The following GRIN2A variants were observed in gnomAD, a reference collection of about 807,000 sequenced individuals.
GRIN2A encodes glutamate receptor ionotropic, NMDA 2A.
A neutral mutation model predicts 113.4 loss-of-function variants in GRIN2A; 22 were observed. The ratio of observed to expected loss-of-function variants is 0.19; its 90% CI spans 0.14 to 0.28. The LOEUF is 0.28. Among genes scored for constraint, GRIN2A ranks in the 10% least tolerant of loss-of-function variants. GRIN2A has a pLI of 1.00. For synonymous variants in GRIN2A, 827 were observed against 738.4 expected (o/e 1.12, Z -1.94); for missense variants, 1,502 against 1,887.0 (o/e 0.80, Z 3.78).
At chr16:10,156,652 G>T (rs1334621187) in intron 2 of GRIN2A, among the ~76,000 whole-genome samples, 2 of 152,188 alleles carry the variant, frequency 1.3e-5, no homozygotes, top group African/African-American at 4.8e-5. Context: ...GGAGGCAGAA[G>T]GCGATTGCTT....
Position 9,891,239 on chromosome 16 carries a change from A to T in GRIN2A, c.1008-139T>A, listed in dbSNP as rs1162494093. 4.4e-6 allele frequency: 3 copies of T among 687,444 alleles called. No homozygotes were observed. The African/African-American group carries it at 5.3e-5, about 12-fold the overall frequency. The allele number at this position is 687,444 out of a possible 1,614,324, so 42.6% of individuals were successfully genotyped here. On this transcript the variant is annotated intron_variant, in intron 3 of 12. Transcript: ENST00000330684. ...TATTCATCACAAGAAGCCTCTCTGC[A>T]GAAGTATTAATAACCATGCAACCAT...
At chr16:10,167,709 T>C (rs1400038884) in intron 2 of GRIN2A, among the ~76,000 whole-genome samples, 1 of 152,224 alleles carries the variant, frequency 6.6e-6, no homozygotes, top group African/African-American at 2.4e-5. Flanking sequence ...TTTCGCTCTG[T>C]ACATCAACAT....
At chr16:9,786,839 T>G (rs2141197302) in intron 11 of GRIN2A, among the ~76,000 whole-genome samples, 1 of 152,284 alleles carries the variant, frequency 6.6e-6, no homozygotes, top group African/African-American at 2.4e-5. Flanking sequence ...TCCATGCCAT[T>G]TAGTCATTGT....
chr16:9,905,516 C>A (rs75831583), intron 3 of GRIN2A, among the ~76,000 whole-genome samples: 1 of 152,130 alleles, frequency 6.6e-6, no homozygotes, highest in Admixed American at 6.5e-5. Flanking sequence ...GAAATAAAAC[C>A]GATCTACTGG....
intron 3 of GRIN2A, among the ~76,000 whole-genome samples, chr16:9,909,722 T>C (rs1596571998): frequency 6.6e-6 from 1 of 152,222 alleles, no homozygotes; most frequent in South Asian, 2.1e-4. Flanking sequence ...AGATGGCACA[T>C]GGGCAAACTT....
chr16:9,909,697 T>TACACAGATGCATTTAGATGGC (rs2044096417), intron 3 of GRIN2A, among the ~76,000 whole-genome samples: 1 of 152,220 alleles, frequency 6.6e-6, no homozygotes, highest in Non-Finnish European at 1.5e-5. Flanking sequence ...TTTGAGATGG[T>TACACAGATGCATTTAGATGGC]ACACAGATGC....
At chr16:9,879,779 A>C (rs2043441206) in intron 4 of GRIN2A, among the ~76,000 whole-genome samples, 1 of 152,202 alleles carries the variant, frequency 6.6e-6, no homozygotes, top group South Asian at 2.1e-4. Context: ...TATCTGTATT[A>C]CAGTCCTGAT....
At chr16:9,803,105 T>A (rs1425782420) in intron 10 of GRIN2A, among the ~76,000 whole-genome samples, 1 of 152,294 alleles carries the variant, frequency 6.6e-6, no homozygotes, top group Non-Finnish European at 1.5e-5. Context: ...GTTTTCCCTA[T>A]GAAAAATGGA....
chr16:10,163,138 G>A (rs1191443671), intron 2 of GRIN2A, among the ~76,000 whole-genome samples: 1 of 152,260 alleles, frequency 6.6e-6, no homozygotes, highest in Non-Finnish European at 1.5e-5. Context: ...AATTGTTTGG[G>A]AATCTCTTGC....
At chr16:9,980,004 A>C (rs952657879) in intron 2 of GRIN2A, among the ~76,000 whole-genome samples, 17 of 151,910 alleles carry the variant, frequency 1.1e-4, no homozygotes, top group Admixed American at 3.3e-4. Flanking sequence ...TCAGTCCTGT[A>C]ATTCCAGCAT....
intron 2 of GRIN2A, among the ~76,000 whole-genome samples, chr16:10,091,341 G>T (rs1021377618): frequency 3.3e-5 from 5 of 152,084 alleles, no homozygotes; most frequent in Non-Finnish European, 7.4e-5. Context: ...GGGCGCAGTG[G>T]ATCACATCTA....
intron 2 of GRIN2A, among the ~76,000 whole-genome samples, chr16:10,086,208 A>G (rs897262077): frequency 9.2e-5 from 14 of 152,196 alleles, no homozygotes; most frequent in African/African-American, 3.4e-4. Flanking sequence ...GCACCTATGC[A>G]GCAAAGTGCA....
intron 4 of GRIN2A, among the ~76,000 whole-genome samples, chr16:9,884,023 A>T (rs1040879195): frequency 6.6e-6 from 1 of 152,112 alleles, no homozygotes; most frequent in Non-Finnish European, 1.5e-5. Context: ...TAAAGTCAAA[A>T]CTTCAAAAAT....
At chr16:10,133,824 T>C (rs1284391953) in intron 2 of GRIN2A, among the ~76,000 whole-genome samples, 1 of 151,346 alleles carries the variant, frequency 6.6e-6, no homozygotes, top group African/African-American at 2.4e-5. Context: ...GTTACAGGGG[T>C]TTTTGATTAA....
At chr16:9,886,670 C>T (rs2043592323) in intron 4 of GRIN2A, among the ~76,000 whole-genome samples, 1 of 152,124 alleles carries the variant, frequency 6.6e-6, no homozygotes, top group South Asian at 2.1e-4. Flanking sequence ...GCCTGGTACA[C>T]AGTAGGCACT....
chr16:10,117,524 A>AT (rs57025769), intron 2 of GRIN2A, among the ~76,000 whole-genome samples: 142,546 of 152,246 alleles, frequency 0.94, 67,476 homozygotes, highest in East Asian at 1. Context: ...TAAAAAGTTA[A>AT]TTTGAAAAAA....
intron 4 of GRIN2A, among the ~76,000 whole-genome samples, chr16:9,883,143 C>T (rs2043517916): frequency 6.6e-6 from 1 of 152,142 alleles, no homozygotes; most frequent in African/African-American, 2.4e-5. Context: ...AGAAGAATAC[C>T]TACTTTAGAA....
chr16:10,011,817 C>T (rs1397338435), intron 2 of GRIN2A, among the ~76,000 whole-genome samples: 1 of 152,188 alleles, frequency 6.6e-6, no homozygotes, highest in Non-Finnish European at 1.5e-5. Flanking sequence ...ACCATGATGC[C>T]TGTCCAAACC....
chr16:9,809,789 C>T (rs971265233), intron 10 of GRIN2A, among the ~76,000 whole-genome samples: 8 of 152,110 alleles, frequency 5.3e-5, no homozygotes, highest in African/African-American at 1.2e-4. Flanking sequence ...CTGCTGGGGC[C>T]GGGTGTGGTG....
Sources: allele counts gnomAD v4.1 joint callset (sites outside exome capture counted in the v4.1 genomes callset), GRCh38; gene constraint gnomAD v4.1.1; transcripts MANE v1.5; gene names NCBI Gene and HGNC (gene_info 2026-07-23, HGNC 2026-07-21).